EPB41L2: variants seen among roughly 807,000 people sequenced by gnomAD.
EPB41L2 encodes the protein erythrocyte membrane protein band 4.1 like 2, also known as band 4.1-like protein 2.
In EPB41L2, 43 loss-of-function variants were observed where a neutral mutation model predicts 113.0. The observed-to-expected ratio is 0.38, with a 90% CI of 0.30 to 0.49. The LOEUF is 0.49. EPB41L2 is among the 20% of genes least tolerant of loss of function. EPB41L2 has a pLI of 0.95. For synonymous variants in EPB41L2, 442 were observed against 436.7 expected, an observed-to-expected ratio of 1.01 and a Z score of -0.15; for missense variants, 1,147 against 1,223.4, an observed-to-expected ratio of 0.94 and a Z score of 0.93.
intron 3 of EPB41L2, among the ~76,000 whole-genome samples, chr6:130,954,638 G>A (rs1816782346): frequency 6.6e-6 from 1 of 152,166 alleles, no homozygotes; most frequent in Non-Finnish European, 1.5e-5. Context: ...AGTGACTTCT[G>A]TCAGCACCAG....
chr6:130,879,906 A>C (rs1316553323), intron 13 of EPB41L2, among the ~76,000 whole-genome samples: 2 of 152,212 alleles, frequency 1.3e-5, no homozygotes, highest in Non-Finnish European at 2.9e-5. Flanking sequence ...AACTTGATTC[A>C]TTTGACTAAA....
At chr6:130,848,461 T>C (rs1274634220) in intron 19 of EPB41L2, among the ~76,000 whole-genome samples, 1 of 152,254 alleles carries the variant, frequency 6.6e-6, no homozygotes, top group African/African-American at 2.4e-5. Context: ...CAAATTATTA[T>C]TTCAATAAGT....
chr6:130,975,825 A>G (rs1778064900), intron 1 of EPB41L2, among the ~76,000 whole-genome samples: 1 of 152,144 alleles, frequency 6.6e-6, no homozygotes, highest in South Asian at 2.1e-4. Flanking sequence ...GGAGTTCAAG[A>G]CCATCCTGGC....
At chr6:130,854,173 G>A (rs1219568177) in intron 19 of EPB41L2, among the ~76,000 whole-genome samples, 5 of 152,120 alleles carry the variant, frequency 3.3e-5, no homozygotes, top group South Asian at 2.1e-4. Context: ...CCTTCAGAGG[G>A]CTGATCACAT....
chr6:130,925,995 C>T (rs190377347), intron 4 of EPB41L2, among the ~76,000 whole-genome samples: 4 of 152,320 alleles, frequency 2.6e-5, no homozygotes, highest in Non-Finnish European at 5.9e-5. Context: ...TAAATACTAA[C>T]AACGATAGCA....
rs1774873106 is a variant in EPB41L2, at chr6:130,839,433, A to T, written c.*1171T>A. ...ACAACTTGAGGCTGCTATAAATCTA[A>T]TCTGGCATCGTAACTATACATAGGG... On this transcript the variant is annotated 3_prime_UTR_variant, in exon 20 of 20. Coordinates refer to ENST00000337057, the MANE Select transcript of EPB41L2 (RefSeq NM_001431.4). 6.6e-6 allele frequency: 1 copy of T among 152,180 alleles called. No individual in the cohort carries two copies. Among genetic ancestry groups the T allele is most frequent in the African/African-American group, 2.4e-5 (1 of 41,442 alleles). The allele number at this position is 152,180 out of a possible 1,614,324, so 9.4% of individuals were successfully genotyped here. A position where few individuals can be genotyped will look rare whatever the true frequency, so the allele number is the denominator to read the frequency against.
At chr6:130,925,861 T>A (rs948984158) in intron 4 of EPB41L2, among the ~76,000 whole-genome samples, 1 of 152,226 alleles carries the variant, frequency 6.6e-6, no homozygotes, top group African/African-American at 2.4e-5. Context: ...TTAACTGTCT[T>A]TAGTCTAAAC....
At chr6:130,974,620 C>G (rs1308711901) in intron 1 of EPB41L2, among the ~76,000 whole-genome samples, 1 of 151,834 alleles carries the variant, frequency 6.6e-6, no homozygotes, top group Non-Finnish European at 1.5e-5. Flanking sequence ...CTCATATACC[C>G]ACTTATGAGT....
intron 7 of EPB41L2, 58 bp downstream of exon 7, chr6:130,900,904 C>T: frequency 6.4e-7 from 1 of 1,573,306 alleles, no homozygotes; most frequent in South Asian, 1.1e-5. Context: ...GTAAGTGCTA[C>T]AAGAGAAGCT....
chr6:131,047,167 T>G (rs1455190868), intron 1 of EPB41L2, among the ~76,000 whole-genome samples: 7 of 152,030 alleles, frequency 4.6e-5, no homozygotes, highest in Non-Finnish European at 5.9e-5. Flanking sequence ...AATAAATAAA[T>G]AAATGTAAAA....
chr6:130,951,741 C>G (rs1194287208), intron 3 of EPB41L2, among the ~76,000 whole-genome samples: 1 of 151,906 alleles, frequency 6.6e-6, no homozygotes, highest in East Asian at 1.9e-4. Flanking sequence ...TACTTGCCCA[C>G]TATACTGTTA....
At chr6:130,861,567 A>G (rs1782063296) in intron 18 of EPB41L2, among the ~76,000 whole-genome samples, 1 of 152,136 alleles carries the variant, frequency 6.6e-6, no homozygotes. Flanking sequence ...CAAAAGCCAC[A>G]ATCACATTTA....
At chr6:130,841,849 T>C (rs935360554) in intron 19 of EPB41L2, among the ~76,000 whole-genome samples, 3 of 152,168 alleles carry the variant, frequency 2.0e-5, no homozygotes, top group East Asian at 1.9e-4. Context: ...CATGTGAGCA[T>C]AGGAATAAAT....
intron 6 of EPB41L2, among the ~76,000 whole-genome samples, chr6:130,903,481 A>T (rs939041784): frequency 6.6e-6 from 1 of 152,046 alleles, no homozygotes; most frequent in African/African-American, 2.4e-5. Flanking sequence ...GGATATTATG[A>T]ACTCTTAACC....
intron 1 of EPB41L2, among the ~76,000 whole-genome samples, chr6:130,961,732 T>A (rs1388526140): frequency 6.6e-6 from 1 of 152,184 alleles, no homozygotes; most frequent in Non-Finnish European, 1.5e-5. Context: ...TGCTGCCAGC[T>A]GAGTAGCTCC....
At chr6:131,038,120 G>C (rs1240285570) in intron 1 of EPB41L2, among the ~76,000 whole-genome samples, 5 of 151,498 alleles carry the variant, frequency 3.3e-5, no homozygotes, top group African/African-American at 1.2e-4. Flanking sequence ...TGTTTTGAAG[G>C]CCAGGTACCT....
chr6:130,978,375 C>T (rs1262937543), intron 1 of EPB41L2, among the ~76,000 whole-genome samples: 1 of 152,210 alleles, frequency 6.6e-6, no homozygotes, highest in East Asian at 1.9e-4. Context: ...GATACATGAT[C>T]TGCAATGGTG....
At chr6:130,885,055 A>C (rs780058641) in intron 12 of EPB41L2, 41 bp downstream of exon 12, 9 of 1,604,696 alleles carry the variant, frequency 5.6e-6, no homozygotes, top group Non-Finnish European at 7.7e-6. Flanking sequence ...CTCTAGGTTA[A>C]GTAAATGTTT....
intron 6 of EPB41L2, among the ~76,000 whole-genome samples, chr6:130,901,677 T>A (rs73775339): frequency 0.026 from 4,006 of 152,230 alleles, 176 homozygotes; most frequent in African/African-American, 0.092. Context: ...ACTTTTCCAT[T>A]TACCCCATTT....
Sources: allele counts gnomAD v4.1 joint callset (sites outside exome capture counted in the v4.1 genomes callset), GRCh38; gene constraint gnomAD v4.1.1; transcripts MANE v1.5; gene names NCBI Gene and HGNC (gene_info 2026-07-23, HGNC 2026-07-21).